The following CNBD1 variants were observed in gnomAD, a reference collection of about 807,000 sequenced individuals.
CNBD1 encodes the protein cyclic nucleotide binding domain containing 1, also known as cyclic nucleotide-binding domain-containing protein 1.
In CNBD1, 71 loss-of-function variants were observed where a neutral mutation model predicts 54.4. That is an observed-to-expected ratio of 1.30 (90% CI 1.08 to 1.59). CNBD1 has a LOEUF of 1.59. CNBD1 is among the 40% of genes most tolerant of loss of function. CNBD1 has a pLI of 0.00. For synonymous variants in CNBD1, 182 were observed against 170.7 expected (o/e 1.07, Z -0.51); for missense variants, 659 against 518.0 (o/e 1.27, Z -2.64).
chr8:86,991,669 T>C (rs906835043), intron 4 of CNBD1, among the ~76,000 whole-genome samples: 1 of 152,098 alleles, frequency 6.6e-6, no homozygotes, highest in Non-Finnish European at 1.5e-5. Flanking sequence ...TGTAAACTTC[T>C]CTTAACATTA....
intron 4 of CNBD1, among the ~76,000 whole-genome samples, chr8:87,140,319 A>G (rs1486697157): frequency 6.6e-5 from 10 of 152,218 alleles, no homozygotes; most frequent in Admixed American, 6.5e-4. Context: ...GATCAAAGCC[A>G]CAAAATAAAT....
Position 86,866,626 on chromosome 8 carries a change from T to G in CNBD1, c.88+43T>G, listed in dbSNP as rs571245298. The stretch of plus-strand genomic sequence containing the variant: ...TGATGCTCTTATTCACCTACCATTG[T>G]TTTCAGCGGTTCTTACCCCAGCTAT... On this transcript the variant is annotated intron_variant, in intron 1 of 10. Coordinates refer to ENST00000518476, the MANE Select transcript of CNBD1 (RefSeq NM_173538.3). The G allele has an allele frequency of 1.1e-5, 16 of 1,429,082 alleles. No homozygotes were observed. In the South Asian group the frequency reaches 1.8e-4, roughly 16 times the overall value. The allele number at this position is 1,429,082 out of a possible 1,614,324, so 88.5% of individuals were successfully genotyped here.
chr8:87,293,266 C>A (rs1030904385), intron 8 of CNBD1, among the ~76,000 whole-genome samples: 1 of 152,052 alleles, frequency 6.6e-6, no homozygotes, highest in Non-Finnish European at 1.5e-5. Flanking sequence ...AAAGTCAGGC[C>A]GGACACAGTG....
At chr8:87,347,746 A>G (rs992348853) in intron 8 of CNBD1, among the ~76,000 whole-genome samples, 30 of 152,166 alleles carry the variant, frequency 2.0e-4, no homozygotes, top group African/African-American at 7.0e-4. Context: ...AGATGGCTCC[A>G]TAGACATAGC....
chr8:86,896,807 T>C (rs1187523816), intron 2 of CNBD1, among the ~76,000 whole-genome samples: 2 of 152,148 alleles, frequency 1.3e-5, no homozygotes, highest in African/African-American at 4.8e-5. Flanking sequence ...GTAGAAATTC[T>C]GCAACATGAG....
chr8:87,361,192 A>G (rs1328026531), intron 10 of CNBD1, among the ~76,000 whole-genome samples: 1 of 152,022 alleles, frequency 6.6e-6, no homozygotes, highest in Non-Finnish European at 1.5e-5. Context: ...TCAGATAAAA[A>G]TGCTTAAAAG....
chr8:87,366,426 C>G (rs1448037770), intron 10 of CNBD1, among the ~76,000 whole-genome samples: 1 of 152,040 alleles, frequency 6.6e-6, no homozygotes, highest in Non-Finnish European at 1.5e-5. Flanking sequence ...TCCATCTCAG[C>G]AATGAAGAAT....
intron 8 of CNBD1, among the ~76,000 whole-genome samples, chr8:87,300,386 C>G (rs1043439273): frequency 6.6e-6 from 1 of 152,044 alleles, no homozygotes; most frequent in East Asian, 1.9e-4. Context: ...GTCACCAGAA[C>G]GAGTACCTGT....
At chr8:87,037,231 C>T (rs1809968212) in intron 4 of CNBD1, among the ~76,000 whole-genome samples, 1 of 151,976 alleles carries the variant, frequency 6.6e-6, no homozygotes, top group African/African-American at 2.4e-5. Flanking sequence ...TTAAAAGTGC[C>T]TATTTTTTAA....
chr8:87,090,424 A>G (rs1428285692), intron 4 of CNBD1, among the ~76,000 whole-genome samples: 1 of 152,230 alleles, frequency 6.6e-6, no homozygotes, highest in Admixed American at 6.5e-5. Flanking sequence ...TTGGAAAGAC[A>G]GTAATCCATC....
intron 4 of CNBD1, among the ~76,000 whole-genome samples, chr8:87,140,118 T>G (rs920317235): frequency 6.6e-6 from 1 of 152,118 alleles, no homozygotes; most frequent in African/African-American, 2.4e-5. Flanking sequence ...AATAGTCCAT[T>G]AATGCTGACA....
intron 8 of CNBD1, among the ~76,000 whole-genome samples, chr8:87,291,658 G>GGGGGCACA (rs1481897850): frequency 6.6e-6 from 1 of 151,950 alleles, no homozygotes; most frequent in Non-Finnish European, 1.5e-5. Context: ...TTTGGGGTGA[G>GGGGGCACA]GGGGCACAGG....
intron 4 of CNBD1, among the ~76,000 whole-genome samples, chr8:86,964,738 G>T (rs1310147187): frequency 6.6e-6 from 1 of 152,188 alleles, no homozygotes; most frequent in Non-Finnish European, 1.5e-5. Context: ...AGGGAGGAGT[G>T]AAGGGAGCTG....
rs537948373 is a variant in CNBD1, at chr8:86,979,317, G to C, written c.431+39563G>C. ...GTGGTGGCTCATGCTTGTAATCCTG[G>C]CTCTTTGGGAGGCCAAAATTGGCAG... On this transcript the variant is annotated intron_variant, in intron 4 of 10. Transcript: ENST00000518476. 1.0e-4 allele frequency among the ~76,000 whole-genome samples: 15 copies of C among 145,984 alleles called. No individual in the cohort carries two copies. The South Asian group carries it at 3.2e-3, about 31-fold the overall frequency.
intron 8 of CNBD1, among the ~76,000 whole-genome samples, chr8:87,330,718 T>C (rs1034112839): frequency 1.3e-5 from 2 of 152,206 alleles, no homozygotes; most frequent in African/African-American, 2.4e-5. Context: ...GGTGTATCTT[T>C]GTGAATGTTC....
chr8:87,001,851 C>T (rs530738817), intron 4 of CNBD1, among the ~76,000 whole-genome samples: 3 of 152,218 alleles, frequency 2.0e-5, no homozygotes, highest in African/African-American at 7.2e-5. Flanking sequence ...TTTTCCCTCT[C>T]TGTGTGTTTC....
intron 6 of CNBD1, among the ~76,000 whole-genome samples, chr8:87,259,637 CACAG>C (rs1014531144): frequency 1.1e-4 from 16 of 152,134 alleles, no homozygotes; most frequent in Non-Finnish European, 1.9e-4. Context: ...TATGTAACTA[CACAG>C]ACAGACAGAA....
At chr8:87,164,020 T>C (rs940279149) in intron 4 of CNBD1, among the ~76,000 whole-genome samples, 3 of 151,950 alleles carry the variant, frequency 2.0e-5, no homozygotes, top group Non-Finnish European at 4.4e-5. Flanking sequence ...TGCCTAGTTT[T>C]GTAAAACGCT....
At chr8:87,402,540 C>A (rs1807584680) in intron 2 of CNBD1, among the ~76,000 whole-genome samples, 1 of 152,016 alleles carries the variant, frequency 6.6e-6, no homozygotes, top group African/African-American at 2.4e-5. Flanking sequence ...GACATAAGGA[C>A]CGAGCATGAG....
Sources: allele counts gnomAD v4.1 joint callset (sites outside exome capture counted in the v4.1 genomes callset), GRCh38; gene constraint gnomAD v4.1.1; transcripts MANE v1.5; gene names NCBI Gene and HGNC (gene_info 2026-07-23, HGNC 2026-07-21).